The following CSMD2 variants were observed in gnomAD, a reference collection of about 807,000 sequenced individuals.
CSMD2 encodes CUB and Sushi multiple domains 2.
Under a neutral mutation model 398.5 loss-of-function variants are expected in CSMD2, and 130 were observed. The observed-to-expected ratio is 0.33, with a 90% confidence interval of 0.28 to 0.38. The LOEUF is 0.38. Among genes scored for constraint, CSMD2 ranks in the 10% least tolerant of loss-of-function variants. The pLI is 1.00. For synonymous variants in CSMD2, 1,828 were observed against 1,908.5 expected (o/e 0.96, Z 1.10); for missense variants, 3,829 against 4,764.9 (o/e 0.80, Z 5.78).
chr1:34,162,141 C>T (rs2148587361), intron 1 of CSMD2, among the ~76,000 whole-genome samples: 1 of 142,614 alleles, frequency 7.0e-6, no homozygotes, highest in South Asian at 2.2e-4. Context: ...CATTGCACTC[C>T]AGCCTGGACA....
chr1:33,755,279 G>T (rs1391952364), intron 13 of CSMD2, among the ~76,000 whole-genome samples: 2 of 152,166 alleles, frequency 1.3e-5, no homozygotes, highest in Non-Finnish European at 2.9e-5. Flanking sequence ...GAAGCTCAGT[G>T]TATGTAAAGT....
chr1:34,150,661 C>A (rs1640222908), intron 1 of CSMD2, among the ~76,000 whole-genome samples: 1 of 152,076 alleles, frequency 6.6e-6, no homozygotes, highest in Non-Finnish European at 1.5e-5. Flanking sequence ...GCTTGTAATC[C>A]TGGCCCTTTG....
rs951839019 is a variant in CSMD2 at position 34,056,659 on chromosome 1, C to T, written c.405-23953G>A. On this transcript the variant is annotated intron_variant, in intron 2 of 70. Transcript: ENST00000373381. ...AAAATGTTTTGAATGGTACTTAGCACAGAATAAGTGCTCATAGCTATTACA... is the reference window on the plus strand; with the variant it reads ...AAAATGTTTTGAATGGTACTTAGCATAGAATAAGTGCTCATAGCTATTACA... Among the ~76,000 whole-genome samples the T allele has an allele frequency of 1.1e-4, 17 of 152,326 alleles. 1 individual carries two copies. The highest frequency in any genetic ancestry group is 3.4e-4 in the African/African-American group (14 of 41,556).
At chr1:33,826,252 C>A (rs1174037890) in intron 6 of CSMD2, among the ~76,000 whole-genome samples, 3 of 152,216 alleles carry the variant, frequency 2.0e-5, no homozygotes, top group Non-Finnish European at 2.9e-5. Flanking sequence ...ATTGTATTCT[C>A]ACCATTTGCA....
chr1:33,872,299 T>C (rs777055141), intron 5 of CSMD2, among the ~76,000 whole-genome samples: 1 of 152,056 alleles, frequency 6.6e-6, no homozygotes, highest in Non-Finnish European at 1.5e-5. Flanking sequence ...CAGGACCTGA[T>C]AGTTTTGAAA....
intron 3 of CSMD2, among the ~76,000 whole-genome samples, chr1:34,007,105 A>G (rs1026332614): frequency 2.0e-5 from 3 of 148,388 alleles, no homozygotes; most frequent in Admixed American, 2.0e-4. Flanking sequence ...ATTTAAGTCG[A>G]AGTCCAGAAT....
At chr1:34,031,368 C>G (rs1338931245) in intron 3 of CSMD2, among the ~76,000 whole-genome samples, 1 of 150,300 alleles carries the variant, frequency 6.7e-6, no homozygotes, top group Non-Finnish European at 1.5e-5. Flanking sequence ...CGGCTGAGAT[C>G]TGATCATTTT....
chr1:33,700,223 G>A (rs532174210), intron 23 of CSMD2, among the ~76,000 whole-genome samples: 131 of 152,228 alleles, frequency 8.6e-4, no homozygotes, highest in African/African-American at 2.8e-3. Flanking sequence ...TGGCCAGGCT[G>A]GTCTTGAACT....
At chr1:33,791,871 A>G (rs1654360261) in intron 11 of CSMD2, among the ~76,000 whole-genome samples, 1 of 152,204 alleles carries the variant, frequency 6.6e-6, no homozygotes, top group Non-Finnish European at 1.5e-5. Context: ...TCAACATAGC[A>G]GAATCCCATG....
chr1:34,100,528 G>A (rs1189860875), intron 1 of CSMD2, among the ~76,000 whole-genome samples: 1 of 152,140 alleles, frequency 6.6e-6, no homozygotes, highest in Non-Finnish European at 1.5e-5. Context: ...TGCCATGGAT[G>A]TATCTCAATT....
At chr1:34,036,724 A>G (rs1461863048) in intron 2 of CSMD2, among the ~76,000 whole-genome samples, 2 of 152,160 alleles carry the variant, frequency 1.3e-5, no homozygotes, top group African/African-American at 4.8e-5. Flanking sequence ...CTATTGGAGG[A>G]AACTGGGAGA....
intron 5 of CSMD2, among the ~76,000 whole-genome samples, chr1:33,867,321 G>A (rs1157702234): frequency 6.6e-6 from 1 of 152,130 alleles, no homozygotes; most frequent in East Asian, 1.9e-4. Context: ...CCAACCACAA[G>A]GAACTTAATA....
chr1:33,831,348 G>T (rs1659532158), intron 6 of CSMD2, among the ~76,000 whole-genome samples: 1 of 152,120 alleles, frequency 6.6e-6, no homozygotes, highest in Non-Finnish European at 1.5e-5. Flanking sequence ...GAAATTGGGG[G>T]CCAATATTCA....
chr1:34,077,603 G>A (rs1360353719), intron 2 of CSMD2, among the ~76,000 whole-genome samples: 1 of 151,074 alleles, frequency 6.6e-6, no homozygotes, highest in Non-Finnish European at 1.5e-5. Flanking sequence ...TGGGCGTGGT[G>A]GCGGGCGCCT....
At chr1:34,165,333 G>A (rs140376086), upstream of CSMD2, 4,581 of 1,197,644 alleles carry the variant, frequency 3.8e-3, 145 homozygotes, top group African/African-American at 0.066. Context: ...GGGAGGGGGT[G>A]AATTATCCCC....
chr1:33,603,567 C>A (rs553801161), intron 42 of CSMD2, among the ~76,000 whole-genome samples: 1 of 152,330 alleles, frequency 6.6e-6, no homozygotes, highest in East Asian at 1.9e-4. Flanking sequence ...GCCATCCCTG[C>A]TACATAAGCT....
At chr1:33,545,940 T>G in intron 57 of CSMD2, 97 bp downstream of exon 57, 1 of 1,245,880 alleles carries the variant, frequency 8.0e-7, no homozygotes, top group Non-Finnish European at 1.1e-6. Flanking sequence ...GGCCACGGTT[T>G]TTTTCTGTGA....
At chr1:33,738,220 G>T (rs1437880423) in intron 15 of CSMD2, among the ~76,000 whole-genome samples, 1 of 152,190 alleles carries the variant, frequency 6.6e-6, no homozygotes, top group East Asian at 1.9e-4. Flanking sequence ...TCTATCACAT[G>T]AAATGTGAGA....
chr1:33,535,790 C>T (rs1655712338), intron 62 of CSMD2, among the ~76,000 whole-genome samples: 1 of 152,230 alleles, frequency 6.6e-6, no homozygotes, highest in South Asian at 2.1e-4. Flanking sequence ...TGCACCAGCC[C>T]TTCGTTCAGC....
Sources: allele counts gnomAD v4.1 joint callset (sites outside exome capture counted in the v4.1 genomes callset), GRCh38; gene constraint gnomAD v4.1.1; transcripts MANE v1.5; gene names NCBI Gene and HGNC (gene_info 2026-07-23, HGNC 2026-07-21).